The following XKR6 variants were observed in gnomAD, a reference collection of about 807,000 sequenced individuals.
The protein encoded by XKR6 is XK related 6.
XKR6 carries 22 observed loss-of-function variants against 56.7 expected under a neutral mutation model. That is an observed-to-expected ratio of 0.39 (90% CI 0.28 to 0.55). The LOEUF (loss-of-function observed/expected upper bound fraction) is 0.55, where lower values mean the gene tolerates loss of function less well. XKR6 is among the 20% of genes least tolerant of loss of function. XKR6 has a pLI of 0.66. For missense variants in XKR6, 852 were observed against 889.0 expected, an observed-to-expected ratio of 0.96 and a Z score of 0.53; for synonymous variants, 524 against 387.8, an observed-to-expected ratio of 1.35 and a Z score of -4.13.
intron 2 of XKR6, among the ~76,000 whole-genome samples, chr8:10,915,771 G>C (rs1174048403): frequency 6.6e-6 from 1 of 152,208 alleles, no homozygotes; most frequent in African/African-American, 2.4e-5. Context: ...AATGAGAGGA[G>C]AAACACAGAG....
chr8:11,007,758 C>T (rs951671494), intron 1 of XKR6, among the ~76,000 whole-genome samples: 1 of 152,204 alleles, frequency 6.6e-6, no homozygotes, highest in Non-Finnish European at 1.5e-5. Flanking sequence ...ACAGAGGCAG[C>T]AGGGCAAGGT....
At chr8:11,050,376 G>GTA (rs34130450) in intron 1 of XKR6, among the ~76,000 whole-genome samples, 62,109 of 151,608 alleles carry the variant, frequency 0.41, 13,782 homozygotes, top group East Asian at 0.83. Context: ...CCTCATCAGT[G>GTA]TAAAATAAGG....
intron 1 of XKR6, among the ~76,000 whole-genome samples, chr8:11,050,568 A>AT (rs1681772869): frequency 8.7e-6 from 1 of 115,394 alleles, no homozygotes; most frequent in African/African-American, 3.8e-5. Flanking sequence ...CTTTCATTTT[A>AT]TTTAAAAAAA....
At chr8:11,166,488 G>A (rs3021500) in intron 1 of XKR6, among the ~76,000 whole-genome samples, 3 of 151,978 alleles carry the variant, frequency 2.0e-5, no homozygotes, top group African/African-American at 2.4e-5. Flanking sequence ...TATAGCAGCC[G>A]TGATGGACTA....
chr8:10,985,504 CG>C (rs1228254926), intron 1 of XKR6, among the ~76,000 whole-genome samples: 1 of 151,596 alleles, frequency 6.6e-6, no homozygotes, highest in Non-Finnish European at 1.5e-5. Context: ...TTCCCTTAAC[CG>C]TGACACTCTA....
chr8:11,127,503 T>G (rs1438807012), intron 1 of XKR6, among the ~76,000 whole-genome samples: 1 of 152,210 alleles, frequency 6.6e-6, no homozygotes, highest in African/African-American at 2.4e-5. Context: ...TTCTGGAGAC[T>G]CTAGAGAAGA....
chr8:10,965,381 C>T (rs1007207989), intron 1 of XKR6, among the ~76,000 whole-genome samples: 1 of 152,218 alleles, frequency 6.6e-6, no homozygotes, highest in African/African-American at 2.4e-5. Context: ...TCTGGGGGCC[C>T]CACAGACTTT....
chr8:10,898,009 A>C lies in XKR6; in HGVS notation c.1869T>G (p.Ile623Met). 6.2e-7 allele frequency: 1 copy of C among 1,611,238 alleles called. No individual in the cohort carries two copies. The highest frequency in any genetic ancestry group is 8.5e-7 in the Non-Finnish European group (1 of 1,178,838). Residue 623 changes from isoleucine to methionine, a missense_variant, in exon 3 of 3, where the codon ATT (isoleucine) becomes ATG (methionine). Coordinates refer to ENST00000416569, the MANE Select transcript of XKR6 (RefSeq NM_173683.4). The surrounding 1 kb of genome is among the most constrained non-coding windows in gnomAD (Gnocchi z 6.6). ...AGAGGAGTGGTCCGTCTCGATATCG[A>C]ATGCCTACTGCGGTGGGGGTGACAT... ...LQYVTPTAVG[I>M]RYRDGPLLYE...
rs543823858 is a variant in XKR6, at chr8:11,019,861, A to T, written c.765-95031T>A. 2.6e-5 allele frequency among the ~76,000 whole-genome samples: 4 copies of T among 152,328 alleles called. 1 individual carries two copies. In the East Asian group the frequency reaches 5.8e-4, roughly 22 times the overall value. ...TGTACTTCCGTGTAAGCTCAAACCC[A>T]GAAAAGAGAAATCCGATCAGAGGTT... On this transcript the variant is annotated intron_variant, in intron 1 of 2. Transcript: ENST00000416569.
chr8:10,946,568 C>G (rs114438391), intron 1 of XKR6, among the ~76,000 whole-genome samples: 2 of 152,148 alleles, frequency 1.3e-5, no homozygotes, highest in East Asian at 3.9e-4. Context: ...TCCCTCCCCA[C>G]GGGCTATGCT....
chr8:10,900,222 T>A (rs1799997456), intron 2 of XKR6, among the ~76,000 whole-genome samples: 1 of 152,158 alleles, frequency 6.6e-6, no homozygotes, highest in African/African-American at 2.4e-5. Context: ...CCCAGTGATT[T>A]TCTCCCTTAA....
chr8:11,172,561 T>C (rs1196132452), intron 1 of XKR6, among the ~76,000 whole-genome samples: 2 of 152,174 alleles, frequency 1.3e-5, no homozygotes, highest in Non-Finnish European at 2.9e-5. Flanking sequence ...ATTATCATAA[T>C]GGCATTGACC....
chr8:10,936,207 A>G (rs1481068878), intron 1 of XKR6, among the ~76,000 whole-genome samples: 1 of 150,840 alleles, frequency 6.6e-6, no homozygotes, highest in Non-Finnish European at 1.5e-5. Context: ...GTTTTATCAG[A>G]GAGTAGGATT....
intron 1 of XKR6, among the ~76,000 whole-genome samples, chr8:11,096,674 G>T (rs931596964): frequency 6.6e-6 from 1 of 152,208 alleles, no homozygotes; most frequent in Non-Finnish European, 1.5e-5. Context: ...GCCCCCATGA[G>T]GTCCACTTTG....
chr8:11,129,350 T>G (rs1213385135), intron 1 of XKR6, among the ~76,000 whole-genome samples: 1 of 152,230 alleles, frequency 6.6e-6, no homozygotes, highest in African/African-American at 2.4e-5. Context: ...GTTGTATCAC[T>G]GCAGGAGTCA....
intron 1 of XKR6, among the ~76,000 whole-genome samples, chr8:10,977,030 GC>G (rs1802588404): frequency 6.6e-6 from 1 of 152,090 alleles, no homozygotes; most frequent in Non-Finnish European, 1.5e-5. Context: ...ATGAACAGCT[GC>G]CAAGGGCTAA....
intron 1 of XKR6, chr8:11,194,922 T>G: frequency 1.9e-6 from 1 of 536,214 alleles, no homozygotes; most frequent in Non-Finnish European, 3.3e-6. Flanking sequence ...AGTTGCAATT[T>G]CGCTCCAAAG....
chr8:10,930,025 G>A (rs554739512), intron 1 of XKR6, among the ~76,000 whole-genome samples: 1 of 152,322 alleles, frequency 6.6e-6, no homozygotes, highest in Admixed American at 6.5e-5. Flanking sequence ...CTGAGGCTCA[G>A]AAAGACTAAG....
chr8:10,971,264 A>G (rs868415446), intron 1 of XKR6, among the ~76,000 whole-genome samples: 1 of 151,774 alleles, frequency 6.6e-6, no homozygotes. Context: ...TACTAAAAAT[A>G]CAAAAAATTA....
Sources: gnomAD v4.1 joint callset for allele counts (sites outside exome capture counted in the v4.1 genomes callset) on GRCh38, gnomAD v4.1.1 for gene constraint, Gnocchi (gnomAD v3.1) non-coding constraint, MANE v1.5 for transcripts, NCBI Gene and HGNC (gene_info 2026-07-23, HGNC 2026-07-21) for gene names.